The following SNTG1 variants were observed in gnomAD, a reference collection of about 807,000 sequenced individuals.
SNTG1 encodes the protein gamma-1-syntrophin.
Under a neutral mutation model 74.7 loss-of-function variants are expected in SNTG1, and 39 were observed. That is an observed-to-expected ratio of 0.52 (90% CI 0.40 to 0.68). The LOEUF (loss-of-function observed/expected upper bound fraction) is 0.68. Ranked by LOEUF, SNTG1 falls within the 30% of genes least tolerant of loss-of-function variation. SNTG1 has a pLI of 0.00. For synonymous variants in SNTG1, 254 were observed against 217.1 expected (o/e 1.17, Z -1.49); for missense variants, 685 against 609.5 (o/e 1.12, Z -1.30).
At chr8:50,643,398 G>C (rs563339180) in intron 13 of SNTG1, among the ~76,000 whole-genome samples, 2 of 152,340 alleles carry the variant, frequency 1.3e-5, no homozygotes, top group East Asian at 3.9e-4. Flanking sequence ...CTCCCCATTT[G>C]AGGGGCTTTG....
rs146446937 is a variant in SNTG1 at position 50,151,676 on chromosome 8, T to G, written c.-102-20885T>G. Among the ~76,000 whole-genome samples the G allele has an allele frequency of 3.5e-4, 53 of 152,342 alleles. 1 individual carries two copies. The East Asian group carries it at 5.6e-3, about 16-fold the overall frequency. ...CTTCATTTCATTGTGTACCCAGTAG[T>G]CATTCATGAGCAGGTTGTTCAGTTT... is the stretch of plus-strand genomic sequence containing the variant. On this transcript the variant is annotated intron_variant, in intron 1 of 18. Transcript: ENST00000642720.
chr8:50,591,052 T>G, intron 13 of SNTG1, 135 bp downstream of exon 13: 1 of 513,476 alleles, frequency 1.9e-6, no homozygotes, highest in South Asian at 4.1e-5. Flanking sequence ...GAAACATACA[T>G]TTCAGATATC....
intron 1 of SNTG1, among the ~76,000 whole-genome samples, chr8:49,987,766 AG>A (rs1315468368): frequency 6.9e-6 from 1 of 145,280 alleles, no homozygotes; most frequent in African/African-American, 2.6e-5. Flanking sequence ...CTCCTGCCCC[AG>A]CCTCCTGGGT....
At chr8:50,522,559 C>T (rs540612301) in intron 9 of SNTG1, among the ~76,000 whole-genome samples, 2 of 150,206 alleles carry the variant, frequency 1.3e-5, no homozygotes, top group Non-Finnish European at 2.9e-5. Context: ...GCTTGGAAGG[C>T]AGACATTGAC....
In SNTG1 at chr8:50,658,603, G is replaced by A; in HGVS notation, c.978G>A (p.Trp326Ter). ...YKFLAPPVTTWDWTRAEKTFS... is the reference protein window; with the variant it reads ...YKFLAPPVTT ...CTTATCTTTTAAAGGTGACCACCTGGGACTGGACGAGAGCAGAGAAAACAT... is the reference window on the plus strand; with the variant it reads ...CTTATCTTTTAAAGGTGACCACCTGAGACTGGACGAGAGCAGAGAAAACAT... The change falls in exon 15 of 19, where the codon TGG becomes TGA. Residue 326 changes from tryptophan (W) to a stop codon, truncating the protein, a stop_gained. Coordinates refer to ENST00000642720, the MANE Select transcript of SNTG1 (RefSeq NM_018967.5). LOFTEE classifies it high-confidence loss of function. The A allele has an allele frequency of 6.2e-7, 1 of 1,607,106 alleles. No homozygotes were observed. The highest frequency in any genetic ancestry group is 8.5e-7 in the Non-Finnish European group (1 of 1,175,312).
chr8:50,697,770 A>G lies in SNTG1; in HGVS notation c.1039-6830A>G, dbSNP rs543594409. Among the ~76,000 whole-genome samples the G allele has an allele frequency of 1.1e-4, 16 of 152,260 alleles. No homozygotes were observed. The East Asian group carries it at 3.1e-3, about 29-fold the overall frequency. ...TGTGCATATGTTGAATCATTCTTGC[A>G]TCTCTGGTGTAAAATCAAGTTGGTC... On this transcript the variant is annotated intron_variant, in intron 15 of 18. Coordinates refer to ENST00000642720, the MANE Select transcript of SNTG1 (RefSeq NM_018967.5).
chr8:50,124,035 A>T (rs2081070178), intron 1 of SNTG1, among the ~76,000 whole-genome samples: 1 of 142,662 alleles, frequency 7.0e-6, no homozygotes, highest in African/African-American at 2.5e-5. Context: ...TCTCCCTCAG[A>T]TTAATATGTT....
At chr8:50,692,974 T>TGG (rs1420199395) in intron 15 of SNTG1, among the ~76,000 whole-genome samples, 30 of 152,334 alleles carry the variant, frequency 2.0e-4, no homozygotes, top group African/African-American at 7.0e-4. Context: ...CCCCAAGCCT[T>TGG]GCTGCCACCT....
At chr8:50,518,732 A>G (rs1472760760) in intron 9 of SNTG1, among the ~76,000 whole-genome samples, 4 of 152,178 alleles carry the variant, frequency 2.6e-5, no homozygotes, top group African/African-American at 4.8e-5. Context: ...CTGAACACAT[A>G]CACCCTCCCA....
intron 2 of SNTG1, among the ~76,000 whole-genome samples, chr8:50,316,633 A>C (rs957446142): frequency 3.9e-5 from 6 of 152,160 alleles, no homozygotes; most frequent in Admixed American, 1.3e-4. Flanking sequence ...AATACACTTA[A>C]TAATTCAGCA....
intron 17 of SNTG1, among the ~76,000 whole-genome samples, chr8:50,710,278 A>G (rs73678632): frequency 0.014 from 2,096 of 152,314 alleles, 37 homozygotes; most frequent in African/African-American, 0.044. Flanking sequence ...TTAAATGCCA[A>G]TGACTCTTGA....
At chr8:50,597,272 AAT>A (rs1338510761) in intron 13 of SNTG1, among the ~76,000 whole-genome samples, 2 of 147,460 alleles carry the variant, frequency 1.4e-5, no homozygotes, top group Admixed American at 6.8e-5. Flanking sequence ...AGCTGCAGAG[AAT>A]ATATACATAT....
At chr8:50,707,350 A>G (rs1028635209) in intron 16 of SNTG1, among the ~76,000 whole-genome samples, 5 of 152,162 alleles carry the variant, frequency 3.3e-5, no homozygotes, top group African/African-American at 1.2e-4. Context: ...TAGTTTTAAT[A>G]AAGTGCTAAT....
At chr8:50,019,157 G>A (rs1447732076) in intron 1 of SNTG1, among the ~76,000 whole-genome samples, 5 of 151,960 alleles carry the variant, frequency 3.3e-5, no homozygotes, top group Non-Finnish European at 7.4e-5. Context: ...TTACAATAAA[G>A]GCTGAACAAC....
chr8:50,327,370 C>A (rs2090789654), intron 2 of SNTG1, among the ~76,000 whole-genome samples: 1 of 152,144 alleles, frequency 6.6e-6, no homozygotes, highest in Non-Finnish European at 1.5e-5. Flanking sequence ...ACACTAAAGA[C>A]TATTAAATCT....
chr8:50,461,156 GGTGTGTGTGTGTGTGTGT>G lies in SNTG1; in HGVS notation c.363+10459_363+10476del, dbSNP rs71233496. ...AATGTCCTTCAGCTGAGATTTTTCT[GGTGTGTGTGTGTGTGTGT>G]GTGTGTGTGTGTGTGTGTGTGTGTG... On this transcript the variant is annotated intron_variant, in intron 8 of 18. Transcript: ENST00000642720. 5.9e-4 allele frequency among the ~76,000 whole-genome samples: 73 copies of G among 124,174 alleles called. 1 individual carries two copies. The highest frequency in any genetic ancestry group is 2.0e-3 in the African/African-American group (65 of 33,190). The allele number at this position is 124,174 out of a possible 152,430, so 81.5% of individuals were successfully genotyped here.
At chr8:50,132,261 C>A (rs568100890) in intron 1 of SNTG1, among the ~76,000 whole-genome samples, 1 of 152,132 alleles carries the variant, frequency 6.6e-6, no homozygotes, top group East Asian at 1.9e-4. Context: ...CACCATATCC[C>A]AACATCCCTC....
chr8:50,126,619 C>T (rs1049609348), intron 1 of SNTG1, among the ~76,000 whole-genome samples: 2 of 151,506 alleles, frequency 1.3e-5, no homozygotes, highest in Non-Finnish European at 2.9e-5. Context: ...AATATAAATT[C>T]ATATATGTTT....
chr8:50,213,159 G>A (rs185596783), intron 2 of SNTG1, among the ~76,000 whole-genome samples: 22 of 152,270 alleles, frequency 1.4e-4, no homozygotes, highest in African/African-American at 5.1e-4. Context: ...CTTGTGCATA[G>A]GCGGTGTGCC....
Sources: allele counts gnomAD v4.1 joint callset (sites outside exome capture counted in the v4.1 genomes callset), GRCh38; gene constraint gnomAD v4.1.1; transcripts MANE v1.5; gene names NCBI Gene and HGNC (gene_info 2026-07-23, HGNC 2026-07-21).